The following FLNA variants were observed in gnomAD, a reference collection of about 807,000 sequenced individuals.
The protein encoded by FLNA is filamin-A.
In FLNA, 7 loss-of-function variants were observed where a neutral mutation model predicts 157.6. That is an observed-to-expected ratio of 0.04 (90% confidence interval 0.03 to 0.08). The LOEUF is 0.08. Among genes scored for constraint, FLNA ranks in the 10% least tolerant of loss-of-function variants. The pLI is 1.00. For synonymous variants in FLNA, 1,103 were observed against 1,060.8 expected, an observed-to-expected ratio of 1.04 and a Z score of -0.77; for missense variants, 1,750 against 2,398.4, an observed-to-expected ratio of 0.73 and a Z score of 5.65.
chrX:154,355,056 G>C lies in FLNA; in HGVS notation c.4986C>G (p.Pro1662=), dbSNP rs2148107593. The change falls in exon 31 of 48, where the codon CCC becomes CCG. Residue 1662 remains proline, a synonymous_variant. Transcript: ENST00000369850. The part of the protein sequence containing the change: ...GGHGLGAGIG[P]TIQIGEETVI... Reference sequence around the variant, plus strand: ...CCGTCTCCTCCCCAATCTGAATGGTGGGGCCGATGCCAGCACCTGGTGGGG... The same window carrying C: ...CCGTCTCCTCCCCAATCTGAATGGTCGGGCCGATGCCAGCACCTGGTGGGG... The C allele has an allele frequency of 1.1e-5, 13 of 1,206,989 alleles. No homozygotes were observed. Among genetic ancestry groups the C allele is most frequent in the Non-Finnish European group, 1.5e-5 (13 of 891,607 alleles).
Position 154,348,966 on chromosome X carries a change from C to G in FLNA, c.7827G>C (p.Val2609=). Residue 2609 remains valine (V), a synonymous_variant, in exon 48 of 48, where the codon GTG becomes GTC. Transcript: ENST00000369850. Reference sequence around the variant, plus strand: ...AGGACACGCTGTAGAGCCGGCTGCCCACGTGCTTCACCAGGATCTCCTCGC... The same window carrying G: ...AGGACACGCTGTAGAGCCGGCTGCCGACGTGCTTCACCAGGATCTCCTCGC... ...TPCEEILVKH[V]GSRLYSVSYL... The G allele has an allele frequency of 8.3e-7, 1 of 1,211,380 alleles. No individual in the cohort carries two copies. The highest frequency in any genetic ancestry group is 1.1e-6 in the Non-Finnish European group (1 of 895,263).
At chrX:154,367,813 C>T (rs2148119289) in intron 3 of FLNA, 29 bp downstream of exon 3, 3 of 1,210,753 alleles carry the variant, frequency 2.5e-6, no homozygotes, top group East Asian at 5.9e-5. Flanking sequence ...GACCCCAGCC[C>T]AGTCTCTCCT....
In FLNA at chrX:154,352,370, C is replaced by A. The variant is rs786205202; in HGVS notation, c.6580G>T (p.Glu2194Ter). The change falls in exon 41 of 48, where the codon GAG becomes TAG. Residue 2194 changes from glutamate to a stop codon, truncating the protein, a stop_gained. Coordinates refer to ENST00000369850, the MANE Select transcript of FLNA (RefSeq NM_001110556.2). LOFTEE classifies it high-confidence loss of function. ...KTHEAEIVEG[E>*]NHTYCIRFVP... is the part of the protein sequence containing the mutation. Reference sequence around the variant, plus strand: ...AAGCGGATGCAGTAGGTGTGGTTCTCCCCTTCCACGATCTCGGCCTCATGG... The same window carrying A: ...AAGCGGATGCAGTAGGTGTGGTTCTACCCTTCCACGATCTCGGCCTCATGG... 1 of 1,212,089 alleles carries A rather than the reference C, an allele frequency of 8.3e-7. No individual in the cohort carries two copies. The highest frequency in any genetic ancestry group is 1.1e-6 in the Non-Finnish European group (1 of 895,578).
rs371927910 is a variant in FLNA at position 154,367,633 on chromosome X, G to A, written c.720+8C>T. The stretch of plus-strand genomic sequence containing the variant: ...CCCTACAGCTGTAGCCAGGCCGGGC[G>A]GGTGTACCTGGGGGATGCCCAGCCA... On this transcript the variant is annotated splice_region_variant and intron_variant, in intron 4 of 47. Transcript: ENST00000369850. 4.9e-5 allele frequency: 59 copies of A among 1,209,353 alleles called. No homozygotes were observed. Among genetic ancestry groups the A allele is most frequent in the East Asian group, 5.9e-5 (2 of 33,785 alleles).
intron 28 of FLNA, 42 bp downstream of exon 28, chrX:154,358,157 G>T: frequency 8.3e-7 from 1 of 1,198,754 alleles, no homozygotes; most frequent in South Asian, 1.8e-5. Context: ...CACTCCAGCC[G>T]CCCAGGCCCC....
chrX:154,359,905 C>T lies in FLNA; in HGVS notation c.3806G>A (p.Gly1269Asp). 2 of 1,210,665 alleles carry T rather than the reference C, an allele frequency of 1.7e-6. No individual in the cohort carries two copies. The highest frequency in any genetic ancestry group is 2.2e-6 in the Non-Finnish European group (2 of 895,205). The change falls in exon 23 of 48, where the codon GGT becomes GAT. Residue 1269 changes from glycine to aspartate, a missense_variant and splice_region_variant. Coordinates refer to ENST00000369850, the MANE Select transcript of FLNA (RefSeq NM_001110556.2). ...QCYGPGIEGQ[G>D]VFREATTEFS... ...CTCAGTGGTGGCCTCACGGAAGACA[C>T]CTGCAAAGGCACAGAGAGGAGGCTT...
chrX:154,368,872 C>T (rs781842664), intron 2 of FLNA, among the ~76,000 whole-genome samples: 1 of 112,990 alleles, frequency 8.9e-6, no homozygotes, highest in Non-Finnish European at 1.9e-5. Context: ...CACCCACTGC[C>T]TGACCCACTT....
intron 2 of FLNA, among the ~76,000 whole-genome samples, chrX:154,369,125 G>T (rs1048695882): frequency 8.9e-6 from 1 of 112,734 alleles, no homozygotes; most frequent in African/African-American, 3.2e-5. Context: ...AGGAGGGGCT[G>T]GGCTGTCCAT....
rs782772998 is a variant in FLNA, at chrX:154,362,462, G to A, written c.2521C>T (p.Arg841Trp). 6 of 1,210,405 alleles carry A rather than the reference G, an allele frequency of 5.0e-6. No homozygotes were observed. Among genetic ancestry groups the A allele is most frequent in the East Asian group, 5.9e-5 (2 of 33,795 alleles). The change falls in exon 17 of 48, where the codon CGG (arginine) becomes TGG (tryptophan). Residue 841 changes from arginine (R) to tryptophan (W), a missense_variant. Physicochemically the swap from Arg to Trp is moderately radical, Grantham distance 101. This residue lies in a region of FLNA where 648 missense variants were observed against 805.8 expected (regional missense o/e 0.80). Coordinates refer to ENST00000369850, the MANE Select transcript of FLNA (RefSeq NM_001110556.2). Reference protein sequence around the residue: ...NDTFTVKYTPRGAGSYTIMVL... With the variant: ...NDTFTVKYTPWGAGSYTIMVL... ...ATAATGGTGTAGCTGCCAGCCCCCC[G>A]GGGCGTGTACTTGACCGTGAAGGTG...
At position 154,358,470 on chromosome X, in the gene FLNA, A is replaced by T; in HGVS notation, c.4573T>A (p.Tyr1525Asn). ...CTCCGGGGTACCTCTTCATCTCCAT[A>T]CAGTACTGAGATGCTGTAGGGCCCT... ...REGPYSISVL[Y>N]GDEEVPRSPF... The change falls in exon 27 of 48, where the codon TAT (tyrosine) becomes AAT (asparagine). Residue 1525 changes from tyrosine (Y) to asparagine (N), a missense_variant. Transcript: ENST00000369850. 8.3e-7 allele frequency: 1 copy of T among 1,210,095 alleles called. No individual in the cohort carries two copies. The highest frequency in any genetic ancestry group is 2.2e-5 in the Admixed American group (1 of 46,000).
Position 154,362,053 on chromosome X carries a change from C to T in FLNA, c.2752G>A (p.Asp918Asn). Reference sequence around the variant, plus strand: ...ATGATGTCCACATCTCGCACTGCATCCCCCTTGGTGAGTCCTGAGAACTGG... The same window carrying T: ...ATGATGTCCACATCTCGCACTGCATTCCCCTTGGTGAGTCCTGAGAACTGG... ...DVQFSGLTKG[D>N]AVRDVDIIDH... Residue 918 changes from aspartate to asparagine, a missense_variant, in exon 19 of 48, where the codon GAT (aspartate) becomes AAT (asparagine). Around this residue, in one of 5 missense-constraint regions of FLNA, gnomAD observed 648 missense variants for 805.8 expected, o/e 0.80. Transcript: ENST00000369850. The T allele has an allele frequency of 8.3e-7, 1 of 1,210,803 alleles. No homozygotes were observed. Among genetic ancestry groups the T allele is most frequent in the Non-Finnish European group, 1.1e-6 (1 of 894,803 alleles).
chrX:154,364,609 C>T lies in FLNA; in HGVS notation c.1939G>A (p.Val647Met), dbSNP rs2067741178. 8.3e-7 allele frequency: 1 copy of T among 1,209,424 alleles called. No individual in the cohort carries two copies. Among genetic ancestry groups the T allele is most frequent in the Non-Finnish European group, 1.1e-6 (1 of 895,130 alleles). The change falls in exon 13 of 48, where the codon GTG becomes ATG. Residue 647 changes from valine to methionine, a missense_variant. This residue lies in a region of FLNA where 648 missense variants were observed against 805.8 expected (regional missense o/e 0.80). Coordinates refer to ENST00000369850, the MANE Select transcript of FLNA (RefSeq NM_001110556.2). The stretch of plus-strand genomic sequence containing the variant: ...CGGATGTCTTCGCTGTTGCACAGCA[C>T]GTGAACGGCATACTCGCCAGCCTCC... Reference protein sequence around the residue: ...PQEAGEYAVHVLCNSEDIRLS... With the variant: ...PQEAGEYAVHMLCNSEDIRLS...
intron 15 of FLNA, among the ~76,000 whole-genome samples, chrX:154,363,604 C>G (rs1333935440): frequency 9.2e-6 from 1 of 108,278 alleles, no homozygotes; most frequent in South Asian, 4.0e-4. Flanking sequence ...TCCCAGCTAC[C>G]CGGGAGGCTG....
rs2067689937 is a variant in FLNA at position 154,359,715 on chromosome X, G to T, written c.3979+17C>A. On this transcript the variant is annotated intron_variant, in intron 23 of 47. Coordinates refer to ENST00000369850, the MANE Select transcript of FLNA (RefSeq NM_001110556.2). The stretch of plus-strand genomic sequence containing the variant: ...ACCCACCCCGTCTGCCAGCCTGTGG[G>T]AGTCCCCAGCACGCACCCTCCTCGT... The T allele has an allele frequency of 8.3e-7, 1 of 1,209,184 alleles. No homozygotes were observed. Among genetic ancestry groups the T allele is most frequent in the African/African-American group, 1.7e-5 (1 of 57,185 alleles).
chrX:154,368,026 C>T lies in FLNA; in HGVS notation c.438G>A (p.Leu146=). ...LILGLIWTLI[L]HYSISMPMWD... ...ACATGGGCATGGAGATGGAGTAGTGCAGGATCAGGGTCCAGATGAGGCCCA... is the reference window on the plus strand; with the variant it reads ...ACATGGGCATGGAGATGGAGTAGTGTAGGATCAGGGTCCAGATGAGGCCCA... Residue 146 remains leucine (L), a synonymous_variant, in exon 3 of 48, where the codon CTG becomes CTA. Transcript: ENST00000369850. 8.3e-7 allele frequency: 1 copy of T among 1,206,333 alleles called. No individual in the cohort carries two copies. Among genetic ancestry groups the T allele is most frequent in the South Asian group, 1.8e-5 (1 of 56,876 alleles).
chrX:154,353,420 G>A lies in FLNA; in HGVS notation c.5898C>T (p.Gly1966=), dbSNP rs1428350048. The A allele has an allele frequency of 1.7e-6, 2 of 1,210,435 alleles. No individual in the cohort carries two copies. Among genetic ancestry groups the A allele is most frequent in the African/African-American group, 1.7e-5 (1 of 57,466 alleles). The change falls in exon 37 of 48, where the codon GGC becomes GGT. Residue 1966 remains glycine, a synonymous_variant. Coordinates refer to ENST00000369850, the MANE Select transcript of FLNA (RefSeq NM_001110556.2). ...TGTTGATGGGGATGTCGGCAGCAGA[G>A]CCGACCTTTAGGTGGGACATACGCA... is the stretch of plus-strand genomic sequence containing the variant. The part of the protein sequence containing the change: ...DSMRMSHLKV[G]SAADIPINIS...
chrX:154,354,067 T>A, intron 34 of FLNA, 24 bp from the exon 35 acceptor site: 1 of 1,211,526 alleles, frequency 8.3e-7, no homozygotes, highest in Non-Finnish European at 1.1e-6. Flanking sequence ...AAGGGCCTTG[T>A]GGAATGGCAG....
intron 37 of FLNA, 32 bp from the exon 38 acceptor site, chrX:154,353,236 G>A (rs1432126834): frequency 4.1e-6 from 5 of 1,210,317 alleles, no homozygotes; most frequent in Middle Eastern, 2.3e-4. Context: ...CAGTCAGGGA[G>A]GGCATGGCTC....
At chrX:154,361,075 A>G (rs2067705044) in intron 21 of FLNA, among the ~76,000 whole-genome samples, 1 of 93,698 alleles carries the variant, frequency 1.1e-5, no homozygotes, top group Non-Finnish European at 2.1e-5. Context: ...AAAAAAAAAA[A>G]AAAAGAAAGA....
Sources: allele counts gnomAD v4.1 joint callset (sites outside exome capture counted in the v4.1 genomes callset), GRCh38; gene constraint gnomAD v4.1.1; regional missense constraint gnomAD v4.1.1; transcripts MANE v1.5; gene names NCBI Gene and HGNC (gene_info 2026-07-23, HGNC 2026-07-21).